NR3C2: variants seen among roughly 807,000 people sequenced by gnomAD.
NR3C2 encodes the protein mineralocorticoid receptor.
In NR3C2, 15 loss-of-function variants were observed where a neutral mutation model predicts 86.4. The ratio of observed to expected loss-of-function variants is 0.17; its 90% CI spans 0.12 to 0.27. NR3C2 has a LOEUF of 0.27. Among genes scored for constraint, NR3C2 ranks in the 10% least tolerant of loss-of-function variants. NR3C2 has a pLI of 1.00. For missense variants in NR3C2, 960 were observed against 1,195.6 expected, an observed-to-expected ratio of 0.80 and a Z score of 2.91; for synonymous variants, 458 against 450.5, an observed-to-expected ratio of 1.02 and a Z score of -0.21.
chr4:148,320,058 C>A (rs965345025), intron 2 of NR3C2, among the ~76,000 whole-genome samples: 1 of 130,992 alleles, frequency 7.6e-6, no homozygotes, highest in Non-Finnish European at 1.6e-5. Context: ...CCCATCATTA[C>A]CTAATTTATT....
chr4:148,292,623 T>C (rs547573517), intron 2 of NR3C2, among the ~76,000 whole-genome samples: 1 of 152,088 alleles, frequency 6.6e-6, no homozygotes, highest in Admixed American at 6.6e-5. Context: ...CCATTCCATG[T>C]TGGTGGCCAG....
chr4:148,181,901 T>G (rs1029163695), intron 4 of NR3C2, among the ~76,000 whole-genome samples: 20 of 152,206 alleles, frequency 1.3e-4, no homozygotes, highest in African/African-American at 4.8e-4. Flanking sequence ...AGCTTTAATT[T>G]CTGAGAGATA....
intron 3 of NR3C2, among the ~76,000 whole-genome samples, chr4:148,207,824 C>T (rs1220915568): frequency 6.6e-6 from 1 of 152,076 alleles, no homozygotes; most frequent in Non-Finnish European, 1.5e-5. Flanking sequence ...ACTGTGTTTT[C>T]CTATACACAC....
At chr4:148,192,313 CAG>C (rs1315248344) in intron 4 of NR3C2, among the ~76,000 whole-genome samples, 3 of 152,192 alleles carry the variant, frequency 2.0e-5, no homozygotes, top group African/African-American at 7.2e-5. Context: ...GTTGTCTGCA[CAG>C]AGTCCTGTGA....
At chr4:148,225,374 A>T (rs901837344) in intron 3 of NR3C2, among the ~76,000 whole-genome samples, 2 of 152,192 alleles carry the variant, frequency 1.3e-5, no homozygotes, top group African/African-American at 4.8e-5. Flanking sequence ...AGAAAATATG[A>T]GTTAATGTTT....
chr4:148,152,564 A>G lies in NR3C2; in HGVS notation c.2415T>C (p.Ser805=). Residue 805 remains serine (S), a synonymous_variant, in exon 6 of 9, where the codon TCT becomes TCC. Transcript: ENST00000358102. ...AGGCAAATGATGATAGACACATCCA[A>G]GAATACTGGATTAGGGTAATTTGGT... ...LEDQITLIQY[S]WMCLSSFALS... 1 of 1,613,794 alleles carries G rather than the reference A, an allele frequency of 6.2e-7. No homozygotes were observed. The highest frequency in any genetic ancestry group is 1.7e-4 in the Middle Eastern group (1 of 6,060).
intron 2 of NR3C2, among the ~76,000 whole-genome samples, chr4:148,274,209 C>G (rs1740846407): frequency 6.6e-6 from 1 of 152,060 alleles, no homozygotes; most frequent in African/African-American, 2.4e-5. Context: ...TTTACGGGAT[C>G]TCCCGTTAAG....
intron 1 of NR3C2, 118 bp from the exon 2 acceptor site, chr4:148,436,980 T>C: frequency 1.2e-6 from 1 of 811,112 alleles, no homozygotes; most frequent in Non-Finnish European, 1.9e-6. Flanking sequence ...ATGAGCAACA[T>C]TTCTAGCTAA....
At chr4:148,237,736 T>C (rs988713638) in intron 3 of NR3C2, among the ~76,000 whole-genome samples, 1 of 151,756 alleles carries the variant, frequency 6.6e-6, no homozygotes, top group East Asian at 1.9e-4. Flanking sequence ...ATAAAATACA[T>C]GGTATGAAGC....
intron 2 of NR3C2, among the ~76,000 whole-genome samples, chr4:148,433,851 G>T: frequency 6.6e-6 from 1 of 152,270 alleles, no homozygotes; most frequent in Non-Finnish European, 1.5e-5. Flanking sequence ...GCTATCTCAT[G>T]ACTTGTGTTA....
intron 8 of NR3C2, among the ~76,000 whole-genome samples, chr4:148,091,227 G>A (rs1034707649): frequency 2.6e-5 from 4 of 152,348 alleles, no homozygotes; most frequent in Non-Finnish European, 5.9e-5. Context: ...GAATCCAAGC[G>A]GGGGCCCCAG....
intron 2 of NR3C2, among the ~76,000 whole-genome samples, chr4:148,379,463 G>A (rs538283247): frequency 3.0e-4 from 45 of 152,262 alleles, no homozygotes; most frequent in African/African-American, 1.0e-3. Flanking sequence ...AGTCCCACCG[G>A]GGATGAGCCA....
chr4:148,344,293 G>A (rs1353307620), intron 2 of NR3C2, among the ~76,000 whole-genome samples: 1 of 152,092 alleles, frequency 6.6e-6, no homozygotes, highest in Non-Finnish European at 1.5e-5. Flanking sequence ...ATGATTAGAA[G>A]TATATCTAAC....
At chr4:148,426,587 T>G (rs1749542284) in intron 2 of NR3C2, among the ~76,000 whole-genome samples, 1 of 152,212 alleles carries the variant, frequency 6.6e-6, no homozygotes, top group African/African-American at 2.4e-5. Context: ...AGCACGATCT[T>G]GGTTCTCTAC....
chr4:148,249,212 C>A (rs560855260), intron 3 of NR3C2, among the ~76,000 whole-genome samples: 1 of 152,006 alleles, frequency 6.6e-6, no homozygotes, highest in South Asian at 2.1e-4. Context: ...AATCTCCAAA[C>A]TAAAGCCCTA....
At chr4:148,227,025 T>C (rs1283339448) in intron 3 of NR3C2, among the ~76,000 whole-genome samples, 8 of 152,204 alleles carry the variant, frequency 5.3e-5, no homozygotes, top group Admixed American at 3.9e-4. Context: ...TATAACATTA[T>C]AAATCTTACA....
intron 2 of NR3C2, among the ~76,000 whole-genome samples, chr4:148,306,048 A>C (rs925975401): frequency 6.6e-6 from 1 of 152,224 alleles, no homozygotes; most frequent in African/African-American, 2.4e-5. Flanking sequence ...TCTGGCCAAC[A>C]ATATGTGCCA....
chr4:148,312,085 G>C lies in NR3C2; in HGVS notation c.1758-51968C>G, dbSNP rs79467445. ...CATTTAACATATCACATTTTACTTTGTTTATTGTGTAGTGGTGTACTGGAG... is the reference window on the plus strand; with the variant it reads ...CATTTAACATATCACATTTTACTTTCTTTATTGTGTAGTGGTGTACTGGAG... On this transcript the variant is annotated intron_variant, in intron 2 of 8. Transcript: ENST00000358102. Among the ~76,000 whole-genome samples, 3 of 116,892 alleles carry C rather than the reference G, an allele frequency of 2.6e-5. No individual in the cohort carries two copies. In the East Asian group the frequency reaches 7.0e-4, roughly 27 times the overall value. The allele number at this position is 116,892 out of a possible 152,430, so 76.7% of individuals were successfully genotyped here.
rs563531625 is a variant in NR3C2, at chr4:148,203,320, TA to T, written c.1898-8459del. 2.0e-3 allele frequency among the ~76,000 whole-genome samples: 293 copies of T among 147,086 alleles called. 1 individual carries two copies. Among genetic ancestry groups the T allele is most frequent in the South Asian group, 0.019 (87 of 4,662 alleles). ...TATGTACAATGTAAGTTTCCCTATT[TA>T]AAAAAAAAAAATCATTTATTTTCAG... On this transcript the variant is annotated intron_variant, in intron 3 of 8. Transcript: ENST00000358102.
Sources: allele counts gnomAD v4.1 joint callset (sites outside exome capture counted in the v4.1 genomes callset), GRCh38; gene constraint gnomAD v4.1.1; transcripts MANE v1.5; gene names NCBI Gene and HGNC (gene_info 2026-07-23, HGNC 2026-07-21).